CRY2: variants seen among roughly 807,000 people sequenced by gnomAD.
CRY2 encodes the protein cryptochrome circadian regulator 2.
Under a neutral mutation model 69.5 loss-of-function variants are expected in CRY2, and 31 were observed. The ratio of observed to expected loss-of-function variants is 0.45; its 90% CI spans 0.34 to 0.60. CRY2 has a LOEUF of 0.60. CRY2 is among the 20% of genes least tolerant of loss of function. CRY2 has a pLI of 0.02. For synonymous variants in CRY2, 303 were observed against 312.2 expected, an observed-to-expected ratio of 0.97 and a Z score of 0.31; for missense variants, 606 against 797.8, an observed-to-expected ratio of 0.76 and a Z score of 2.90.
chr11:45,849,395 C>T (rs2086176753), intron 1 of CRY2, among the ~76,000 whole-genome samples: 1 of 152,166 alleles, frequency 6.6e-6, no homozygotes, highest in South Asian at 2.1e-4. Flanking sequence ...AGGTACTGCT[C>T]TAGATGTTGC....
At chr11:45,867,166 C>T (rs1035026754) in intron 5 of CRY2, among the ~76,000 whole-genome samples, 7 of 152,112 alleles carry the variant, frequency 4.6e-5, no homozygotes, top group Admixed American at 6.5e-5. Flanking sequence ...AACAATAATG[C>T]GAAGTCCCTG....
At chr11:45,847,847 T>C in intron 1 of CRY2, 142 bp downstream of exon 1, 9 of 1,209,090 alleles carry the variant, frequency 7.4e-6, no homozygotes, top group Non-Finnish European at 1.0e-5. Flanking sequence ...TAATTCGTCA[T>C]GGTCCTAACG....
In CRY2 at chr11:45,872,180, G is replaced by T; in HGVS notation, c.1731G>T (p.Arg577=). 1 of 1,614,114 alleles carries T rather than the reference G, an allele frequency of 6.2e-7. No individual in the cohort carries two copies. Among genetic ancestry groups the T allele is most frequent in the Non-Finnish European group, 8.5e-7 (1 of 1,180,024 alleles). ...EEPPGEELSK[R]ARVAELPTPE... ...CACCTGGTGAAGAACTCAGCAAACG[G>T]GCCCGGGTGGCAGAGTTGCCAACCC... Residue 577 remains arginine, a synonymous_variant, in exon 11 of 12, where the codon CGG becomes CGT. Coordinates refer to ENST00000616080, the MANE Select transcript of CRY2 (RefSeq NM_021117.5).
At position 45,870,354 on chromosome 11, in the gene CRY2, G is replaced by C. The variant is rs144442637; in HGVS notation, c.1371G>C (p.Ala457=). ...GGCGATACCTGCCCAAATTGAAAGC[G>C]TTCCCCTCTCGATACATCTATGAGC... ...YIRRYLPKLK[A]FPSRYIYEPW... is the part of the protein sequence containing the mutation. The change falls in exon 9 of 12, where the codon GCG becomes GCC. Residue 457 remains alanine (A), a synonymous_variant. Transcript: ENST00000616080. 6.2e-7 allele frequency: 1 copy of C among 1,614,184 alleles called. No homozygotes were observed.
chr11:45,870,876 C>A lies in CRY2; in HGVS notation c.1584C>A (p.Asp528Glu), dbSNP rs933771713. 1.2e-6 allele frequency: 2 copies of A among 1,613,578 alleles called. No homozygotes were observed. Among genetic ancestry groups the A allele is most frequent in the South Asian group, 1.1e-5 (1 of 91,076 alleles). ...LLASVPSCVEDLSHPVAEPSS... is the reference protein window; with the variant it reads ...LLASVPSCVEELSHPVAEPSS... Reference sequence around the variant, plus strand: ...CATCTGTCCCTTCCTGTGTGGAAGACCTCAGTCACCCTGTGGCAGAGCCCA... The same window carrying A: ...CATCTGTCCCTTCCTGTGTGGAAGAACTCAGTCACCCTGTGGCAGAGCCCA... The change falls in exon 10 of 12, where the codon GAC becomes GAA. Residue 528 changes from aspartate to glutamate, a missense_variant. Asp to Glu is a conservative substitution (Grantham distance 45). Transcript: ENST00000616080.
intron 11 of CRY2, among the ~76,000 whole-genome samples, chr11:45,874,693 C>T (rs1426137649): frequency 6.6e-6 from 1 of 152,140 alleles, no homozygotes; most frequent in East Asian, 1.9e-4. Flanking sequence ...ACTTGTAATC[C>T]CAGCACTTTG....
chr11:45,882,345 C>G lies in CRY2; in HGVS notation c.*1434C>G, dbSNP rs531179841. 65 of 319,160 alleles carry G rather than the reference C, an allele frequency of 2.0e-4. No homozygotes were observed. The highest frequency in any genetic ancestry group is 3.1e-4 in the Non-Finnish European group (54 of 175,740). 19.8% of individuals were successfully genotyped at this position (319,160 alleles called of 1,614,324 possible). On this transcript the variant is annotated 3_prime_UTR_variant, in exon 12 of 12. Coordinates refer to ENST00000616080, the MANE Select transcript of CRY2 (RefSeq NM_021117.5). ...ATTCCTGTTTGGATTTTTGTCCTCA[C>G]GTGTATCATTAAGCTGGCCTTTGGG...
intron 11 of CRY2, among the ~76,000 whole-genome samples, chr11:45,873,455 T>G (rs1014796755): frequency 6.6e-5 from 10 of 152,358 alleles, no homozygotes; most frequent in African/African-American, 1.9e-4. Context: ...TACTACTCTC[T>G]CAGTTATCTC....
intron 11 of CRY2, 75 bp downstream of exon 11, chr11:45,872,308 A>G (rs968311014): frequency 1.1e-5 from 15 of 1,360,530 alleles, no homozygotes; most frequent in Non-Finnish European, 1.6e-5. Context: ...TGCCAGCTGC[A>G]GGTTGAAACA....
chr11:45,877,782 G>C (rs765072485), intron 11 of CRY2, among the ~76,000 whole-genome samples: 11 of 151,974 alleles, frequency 7.2e-5, no homozygotes, highest in African/African-American at 2.7e-4. Context: ...TTCTACAGAC[G>C]CATGCCCTAG....
rs570432605 is a variant in CRY2, at chr11:45,868,087, G to GA, written c.882+336dup. 214 of 299,004 alleles carry GA rather than the reference G, an allele frequency of 7.2e-4. 1 individual carries two copies. The highest frequency in any genetic ancestry group is 3.7e-3 in the African/African-American group (178 of 47,940). The allele number at this position is 299,004 out of a possible 1,614,324, so 18.5% of individuals were successfully genotyped here. The stretch of plus-strand genomic sequence containing the variant: ...CGAGGTCCCCAGGGTGAGAGGCATG[G>GA]AGAGGGTGAGGCTGGAGCCAGTCTG... On this transcript the variant is annotated intron_variant, in intron 6 of 11. Transcript: ENST00000616080.
chr11:45,847,514 G>T lies in CRY2; in HGVS notation c.24G>T (p.Ala8=). The T allele has an allele frequency of 6.3e-7, 1 of 1,590,960 alleles. No homozygotes were observed. The highest frequency in any genetic ancestry group is 8.5e-7 in the Non-Finnish European group (1 of 1,173,298). Residue 8 remains alanine, a synonymous_variant, in exon 1 of 12, where the codon GCG becomes GCT. Coordinates refer to ENST00000616080, the MANE Select transcript of CRY2 (RefSeq NM_021117.5). The part of the protein sequence containing the change: MAATVAT[A]AAVAPAPAPG... ...TCATGGCGGCGACTGTGGCGACGGC[G>T]GCAGCTGTGGCCCCGGCGCCAGCGC...
At position 45,869,601 on chromosome 11, in the gene CRY2, C is replaced by T. The variant is rs2086358958; in HGVS notation, c.978C>T (p.Asp326=). 1 of 1,614,152 alleles carries T rather than the reference C, an allele frequency of 6.2e-7. No individual in the cohort carries two copies. Among genetic ancestry groups the T allele is most frequent in the Non-Finnish European group, 8.5e-7 (1 of 1,180,056 alleles). Residue 326 remains aspartate, a synonymous_variant, in exon 7 of 12, where the codon GAC becomes GAT. Transcript: ENST00000616080. ...YTAATNNPRF[D]RMEGNPICIQ... ...CAGCTACCAACAACCCCAGGTTTGA[C>T]CGCATGGAGGGGAACCCCATCTGCA...
At chr11:45,866,253 G>T (rs1198047935) in intron 5 of CRY2, among the ~76,000 whole-genome samples, 1 of 152,182 alleles carries the variant, frequency 6.6e-6, no homozygotes, top group African/African-American at 2.4e-5. Flanking sequence ...AGCAATCTGG[G>T]CTAGAGCTAT....
chr11:45,861,657 GT>G (rs1475241525), intron 4 of CRY2: 1 of 203,698 alleles, frequency 4.9e-6, no homozygotes, highest in African/African-American at 2.4e-5. Flanking sequence ...GGCCAGGCTG[GT>G]CTTGAACTGG....
Position 45,858,723 on chromosome 11 carries a change from C to T in CRY2, c.325-8C>T. On this transcript the variant is annotated splice_region_variant and splice_polypyrimidine_tract_variant and intron_variant, in intron 2 of 11. Transcript: ENST00000616080. ...CAGTGTTGAGCATAACAGATCCTCTCCCCACAGGAATGGGGAGTGACCCGC... is the reference window on the plus strand; with the variant it reads ...CAGTGTTGAGCATAACAGATCCTCTTCCCACAGGAATGGGGAGTGACCCGC... 6.2e-7 allele frequency: 1 copy of T among 1,611,978 alleles called. No individual in the cohort carries two copies.
chr11:45,847,279 A>G (rs770082399), upstream of CRY2: 17 of 1,543,962 alleles, frequency 1.1e-5, 1 homozygote, highest in Non-Finnish European at 1.4e-5. Context: ...GGACCCACAC[A>G]TGGTAGGAAC....
rs761120179 is a variant in CRY2 at position 45,872,236 on chromosome 11, G to A, written c.*2+3G>A. 7 of 1,613,730 alleles carry A rather than the reference G, an allele frequency of 4.3e-6. No homozygotes were observed. Among genetic ancestry groups the A allele is most frequent in the African/African-American group, 1.3e-5 (1 of 75,034 alleles). On this transcript the variant is annotated splice_donor_region_variant and intron_variant, in intron 11 of 11. Transcript: ENST00000616080. The stretch of plus-strand genomic sequence containing the variant: ...CTGCCGAGCAAGGATGCCTGAGAGT[G>A]AGTGACAGCAGCCTAGATTCAACCT...
In CRY2 at chr11:45,863,650, G is replaced by A. The variant is rs188888981; in HGVS notation, c.741+1502G>A. 7.3e-5 allele frequency among the ~76,000 whole-genome samples: 11 copies of A among 150,740 alleles called. No homozygotes were observed. The South Asian group carries it at 1.1e-3, about 15-fold the overall frequency. ...AGAAGAAGGTATGTGCCTCTTTTCC[G>A]AAAGCACCAGGAAAAGTCCCAAGGC... On this transcript the variant is annotated intron_variant, in intron 5 of 11. Coordinates refer to ENST00000616080, the MANE Select transcript of CRY2 (RefSeq NM_021117.5).
Sources: allele counts gnomAD v4.1 joint callset (sites outside exome capture counted in the v4.1 genomes callset), GRCh38; gene constraint gnomAD v4.1.1; transcripts MANE v1.5; gene names NCBI Gene and HGNC (gene_info 2026-07-23, HGNC 2026-07-21).